ZNF736: variants seen among roughly 807,000 people sequenced by gnomAD.
ZNF736 encodes the protein KRAB-containing zinc-finger repressor protein.
ZNF736 carries 6 observed loss-of-function variants against 11.7 expected under a neutral mutation model. The observed-to-expected ratio is 0.51, with a 90% confidence interval of 0.28 to 1.01. ZNF736 has a LOEUF of 1.01. Ranked by LOEUF, ZNF736 falls within the 50% of genes least tolerant of loss-of-function variation. The pLI is 0.09. For synonymous variants in ZNF736, 139 were observed against 164.7 expected (o/e 0.84, Z 1.19); for missense variants, 444 against 496.0 (o/e 0.90, Z 1.00).
chr7:64,330,258 G>A (rs1248814838), intron 1 of ZNF736, among the ~76,000 whole-genome samples: 15 of 152,018 alleles, frequency 9.9e-5, no homozygotes, highest in East Asian at 3.9e-4. Flanking sequence ...CCGGGTTCCC[G>A]CCATTCTCCT....
chr7:64,326,701 CCTT>C (rs1169085579), intron 1 of ZNF736, among the ~76,000 whole-genome samples: 1 of 151,692 alleles, frequency 6.6e-6, no homozygotes, highest in Non-Finnish European at 1.5e-5. Flanking sequence ...CTGCTATAAA[CCTT>C]CTTAGTACTT....
chr7:64,335,527 C>T (rs561516135), intron 1 of ZNF736, among the ~76,000 whole-genome samples: 31 of 152,258 alleles, frequency 2.0e-4, no homozygotes, highest in East Asian at 1.7e-3. Context: ...TTGGTAAATA[C>T]GCTTTCTGAC....
intron 2 of ZNF736, 58 bp downstream of exon 2, chr7:64,336,443 GA>G (rs1789251338): frequency 1.4e-6 from 2 of 1,467,422 alleles, no homozygotes; most frequent in African/African-American, 1.5e-5. Flanking sequence ...ATTTTCTTCT[GA>G]TTTTTTTGGA....
At chr7:64,326,637 A>G (rs1220334068) in intron 1 of ZNF736, among the ~76,000 whole-genome samples, 1 of 139,044 alleles carries the variant, frequency 7.2e-6, no homozygotes. Flanking sequence ...TGTATGATAT[A>G]TCAATAGTTT....
At chr7:64,343,901 GTGTT>G (rs1208257821) in intron 3 of ZNF736, among the ~76,000 whole-genome samples, 1 of 150,856 alleles carries the variant, frequency 6.6e-6, no homozygotes, top group Non-Finnish European at 1.5e-5. Context: ...AATTATTTCT[GTGTT>G]TGTTTGCCTG....
At chr7:64,336,184 T>G (rs1584272206) in intron 1 of ZNF736, 75 bp from the exon 2 acceptor site, 1 of 1,534,966 alleles carries the variant, frequency 6.5e-7, no homozygotes, top group Non-Finnish European at 8.8e-7. Flanking sequence ...ACCAGCTATC[T>G]TTATTCTCAT....
chr7:64,355,253 T>C lies in ZNF736; in HGVS notation c.*6106T>C, dbSNP rs1370029797. 2 of 171,604 alleles carry C rather than the reference T, an allele frequency of 1.2e-5. No individual in the cohort carries two copies. Among genetic ancestry groups the C allele is most frequent in the East Asian group, 3.6e-4 (2 of 5,514 alleles). The allele number at this position is 171,604 out of a possible 1,614,324, so 10.6% of individuals were successfully genotyped here. On this transcript the variant is annotated 3_prime_UTR_variant, in exon 4 of 4. Coordinates refer to ENST00000423484, the MANE Select transcript of ZNF736 (RefSeq NM_001170905.3). ...ACAGGTTAAGAGTATGCACCACAGG[T>C]ATCGAAACCTAAAATGCCCTGAACT...
chr7:64,336,219 T>C, intron 1 of ZNF736, 40 bp from the exon 2 acceptor site: 1 of 1,589,312 alleles, frequency 6.3e-7, no homozygotes, highest in Non-Finnish European at 8.6e-7. Context: ...AATCAAGAAT[T>C]CTTTCTATGG....
At chr7:64,322,294 A>G (rs1433334723) in intron 1 of ZNF736, among the ~76,000 whole-genome samples, 1 of 152,168 alleles carries the variant, frequency 6.6e-6, no homozygotes, top group African/African-American at 2.4e-5. Context: ...TCTCAATATG[A>G]TAGAACATCA....
At chr7:64,330,037 C>T (rs1377884134) in intron 1 of ZNF736, among the ~76,000 whole-genome samples, 4 of 152,200 alleles carry the variant, frequency 2.6e-5, no homozygotes, top group African/African-American at 4.8e-5. Context: ...CACCACCACC[C>T]AGAGTCCACA....
At chr7:64,342,868 CTAAT>C (rs1177849495) in intron 3 of ZNF736, among the ~76,000 whole-genome samples, 2 of 152,034 alleles carry the variant, frequency 1.3e-5, no homozygotes, top group East Asian at 3.9e-4. Context: ...AAATTTATTT[CTAAT>C]TATTTTATTT....
intron 2 of ZNF736, 127 bp from the exon 3 acceptor site, chr7:64,336,760 G>C: frequency 1.2e-6 from 1 of 802,620 alleles, no homozygotes; most frequent in South Asian, 1.7e-5. Context: ...TTTCTGTTAG[G>C]AAACAGTATA....
At chr7:64,319,288 T>G (rs930703252) in intron 1 of ZNF736, among the ~76,000 whole-genome samples, 1 of 142,616 alleles carries the variant, frequency 7.0e-6, no homozygotes, top group Non-Finnish European at 1.5e-5. Context: ...AATATGTGTA[T>G]GTATGTATGT....
intron 1 of ZNF736, among the ~76,000 whole-genome samples, chr7:64,322,876 A>G (rs1301632520): frequency 6.6e-6 from 1 of 152,196 alleles, no homozygotes; most frequent in Non-Finnish European, 1.5e-5. Context: ...TTTTAATTCT[A>G]TAAAAAATGT....
chr7:64,348,434 C>G lies in ZNF736; in HGVS notation c.571C>G (p.His191Asp). The change falls in exon 4 of 4, where the codon CAT becomes GAT. Residue 191 changes from histidine (H) to aspartate (D), a missense_variant. His to Asp is a moderately conservative substitution (Grantham distance 81, BLOSUM62 -1). Transcript: ENST00000423484. ...DCRLFSDFTR[H>D]KKIHTVERCY... is the part of the protein sequence containing the mutation. ...TAGGTTGTTCTCAGATTTTACTAGA[C>G]ATAAGAAAATTCATACTGTAGAGAG... 1 of 1,550,522 alleles carries G rather than the reference C, an allele frequency of 6.4e-7. No individual in the cohort carries two copies. The highest frequency in any genetic ancestry group is 8.7e-7 in the Non-Finnish European group (1 of 1,147,008).
At position 64,355,842 on chromosome 7, in the gene ZNF736, T is replaced by C. The variant is rs1462881466; in HGVS notation, c.*6695T>C. On this transcript the variant is annotated 3_prime_UTR_variant, in exon 4 of 4. Transcript: ENST00000423484. ...TCAGAAGTGTAGTTCTGACAGACAT[T>C]ACTGGAAGGTAGAGGTGGGAAACAA... is the stretch of plus-strand genomic sequence containing the variant. The C allele has an allele frequency of 1.1e-5, 2 of 176,710 alleles. No homozygotes were observed. Among genetic ancestry groups the C allele is most frequent in the Admixed American group, 1.1e-4 (2 of 18,572 alleles). The allele number at this position is 176,710 out of a possible 1,614,324, so 10.9% of individuals were successfully genotyped here. A position where few individuals can be genotyped will look rare whatever the true frequency, so the allele number is the denominator to read the frequency against.
At position 64,313,985 on chromosome 7, in the gene ZNF736, C is replaced by T. The variant is rs1788873664; in HGVS notation, c.-166C>T. 5.5e-6 allele frequency: 5 copies of T among 907,632 alleles called. No individual in the cohort carries two copies. Among genetic ancestry groups the T allele is most frequent in the South Asian group, 1.6e-5 (1 of 63,690 alleles). 56.2% of individuals were successfully genotyped at this position (907,632 alleles called of 1,614,324 possible). On this transcript the variant is annotated 5_prime_UTR_variant, in exon 1 of 4. Coordinates refer to ENST00000423484, the MANE Select transcript of ZNF736 (RefSeq NM_001170905.3). ...GGCGGCCTCTTCAATATGGCGGGGC[C>T]TTTGTCTCCTAGCTTCCGGGCTCTG...
At chr7:64,319,867 A>G (rs1471926208) in intron 1 of ZNF736, among the ~76,000 whole-genome samples, 4 of 152,080 alleles carry the variant, frequency 2.6e-5, no homozygotes, top group African/African-American at 9.7e-5. Context: ...TCAAGAAGGA[A>G]TTTTGGAGAT....
chr7:64,333,745 A>G (rs992265947), intron 1 of ZNF736, among the ~76,000 whole-genome samples: 4 of 152,214 alleles, frequency 2.6e-5, no homozygotes, highest in African/African-American at 7.2e-5. Flanking sequence ...ATTCGATGCT[A>G]TTCCCATCAG....
Sources: gnomAD v4.1 joint callset for allele counts (sites outside exome capture counted in the v4.1 genomes callset) on GRCh38, gnomAD v4.1.1 for gene constraint, MANE v1.5 for transcripts, NCBI Gene and HGNC (gene_info 2026-07-23, HGNC 2026-07-21) for gene names.